ABCB11: variants seen among roughly 807,000 people sequenced by gnomAD.
ABCB11 encodes bile salt export pump.
A neutral mutation model predicts 148.0 loss-of-function variants in ABCB11; 95 were observed. The observed-to-expected ratio is 0.64, with a 90% CI of 0.54 to 0.76. The LOEUF (loss-of-function observed/expected upper bound fraction) is 0.76. Ranked by LOEUF, ABCB11 falls within the 30% of genes least tolerant of loss-of-function variation. The pLI, the probability that ABCB11 is intolerant of heterozygous loss-of-function variation, is 0.00. For synonymous variants in ABCB11, 591 were observed against 555.4 expected (o/e 1.06, Z -0.90); for missense variants, 1,523 against 1,617.8 (o/e 0.94, Z 1.01).
downstream of ABCB11, among the ~76,000 whole-genome samples, chr2:168,917,014 T>A (rs1289095174): frequency 2.0e-5 from 3 of 152,302 alleles, no homozygotes; most frequent in African/African-American, 7.2e-5. Flanking sequence ...TATGATCCTA[T>A]GTATTTTACA....
chr2:169,016,414 A>G (rs1257273333), intron 3 of ABCB11, among the ~76,000 whole-genome samples: 2 of 152,184 alleles, frequency 1.3e-5, no homozygotes, highest in South Asian at 2.1e-4. Flanking sequence ...CTGAACAGAA[A>G]TATGCAATAA....
intron 21 of ABCB11, among the ~76,000 whole-genome samples, chr2:168,941,538 T>C (rs1003939088): frequency 1.3e-5 from 2 of 152,096 alleles, no homozygotes; most frequent in Non-Finnish European, 1.5e-5. Context: ...AAAACTTGAA[T>C]GGATAAGCAG....
chr2:169,024,200 A>G (rs1371101850), intron 1 of ABCB11, among the ~76,000 whole-genome samples: 1 of 152,178 alleles, frequency 6.6e-6, no homozygotes, highest in Non-Finnish European at 1.5e-5. Flanking sequence ...AACTTAAAAT[A>G]AAATAAAATA....
chr2:169,026,281 A>T (rs1695691854), intron 1 of ABCB11, among the ~76,000 whole-genome samples: 1 of 152,120 alleles, frequency 6.6e-6, no homozygotes, highest in Admixed American at 6.5e-5. Context: ...CAAGTGCATC[A>T]CTCTGAACTT....
chr2:168,949,217 T>C (rs184172227), intron 19 of ABCB11, among the ~76,000 whole-genome samples: 1 of 151,778 alleles, frequency 6.6e-6, no homozygotes, highest in African/African-American at 2.4e-5. Flanking sequence ...ATTAACTTTT[T>C]AAAATTTTTG....
At chr2:168,920,046 G>T (rs1452587666), downstream of ABCB11, among the ~76,000 whole-genome samples, 1 of 151,638 alleles carries the variant, frequency 6.6e-6, no homozygotes, top group Non-Finnish European at 1.5e-5. Flanking sequence ...TTCTTTTTTT[G>T]TTAGAAATGG....
rs1157182058 is a variant in ABCB11 at position 168,995,423 on chromosome 2, A to G, written c.537T>C (p.Phe179=). ...CTATTTCCATTCTCATTATTCTCCT[A>G]AAGTAAAATTTTCTCATTTTCTGTA... ...RQIQKMRKFY[F]RRIMRMEIGW... is the part of the protein sequence containing the mutation. Residue 179 remains phenylalanine, a synonymous_variant, in exon 7 of 28, where the codon TTT becomes TTC. Transcript: ENST00000650372. The G allele has an allele frequency of 4.3e-6, 7 of 1,612,228 alleles. No individual in the cohort carries two copies. The highest frequency in any genetic ancestry group is 1.3e-5 in the African/African-American group (1 of 74,788).
Position 168,968,433 on chromosome 2 carries a change from C to G in ABCB11, c.2069G>C (p.Ser690Thr). ...CCCCATGGCTTGAGCTTACCTTAAACTATCCTGGTAGCTCCCTCTGCTAAA... is the reference window on the plus strand; with the variant it reads ...CCCCATGGCTTGAGCTTACCTTAAAGTATCCTGGTAGCTCCCTCTGCTAAA... ...RTFSRGSYQDSLRASIRQRSK... is the reference protein window; with the variant it reads ...RTFSRGSYQDTLRASIRQRSK... Residue 690 changes from serine to threonine, a missense_variant, in exon 17 of 28, where the codon AGT becomes ACT. By Grantham distance (58) the Ser-to-Thr change is moderately conservative (BLOSUM62 1). Coordinates refer to ENST00000650372, the MANE Select transcript of ABCB11 (RefSeq NM_003742.4). The G allele has an allele frequency of 6.2e-7, 1 of 1,610,684 alleles. No homozygotes were observed. Among genetic ancestry groups the G allele is most frequent in the Non-Finnish European group, 8.5e-7 (1 of 1,178,252 alleles).
At chr2:168,927,391 A>G in intron 25 of ABCB11, 29 bp from the exon 26 acceptor site, 1 of 1,580,862 alleles carries the variant, frequency 6.3e-7, no homozygotes, top group Non-Finnish European at 8.7e-7. Context: ...ACAGGTCATT[A>G]GGTTTTTAGA....
intron 17 of ABCB11, among the ~76,000 whole-genome samples, chr2:168,965,398 C>T (rs1206982303): frequency 6.6e-6 from 1 of 151,462 alleles, no homozygotes; most frequent in Non-Finnish European, 1.5e-5. Flanking sequence ...ATGTTGAGAC[C>T]TTCAAAAAAA....
chr2:169,005,074 C>T (rs1694980250), intron 5 of ABCB11, among the ~76,000 whole-genome samples: 1 of 151,950 alleles, frequency 6.6e-6, no homozygotes, highest in African/African-American at 2.4e-5. Flanking sequence ...GAAGTGGGCT[C>T]CGTGAAGGTC....
Position 168,927,118 on chromosome 2 carries a change from T to C in ABCB11, c.3618+38A>G, listed in dbSNP as rs778890225. 9 of 1,538,748 alleles carry C rather than the reference T, an allele frequency of 5.8e-6. No individual in the cohort carries two copies. The South Asian group carries it at 1.0e-4, about 17-fold the overall frequency. On this transcript the variant is annotated intron_variant, in intron 26 of 27. Transcript: ENST00000650372. ...CTGGTCATTCTACTTCTCCCCATCC[T>C]TGTCTCTCATAGGGAATGGCTCTGA...
chr2:168,948,933 C>T (rs77872111), intron 19 of ABCB11, among the ~76,000 whole-genome samples: 2,394 of 151,628 alleles, frequency 0.016, 37 homozygotes, highest in African/African-American at 0.033. Flanking sequence ...GTCATTTTTA[C>T]GGTCAGGAGA....
Position 168,930,872 on chromosome 2 carries a change from G to C in ABCB11, c.3214-10C>G, listed in dbSNP as rs2105888909. 6.3e-7 allele frequency: 1 copy of C among 1,580,668 alleles called. No homozygotes were observed. The highest frequency in any genetic ancestry group is 8.6e-7 in the Non-Finnish European group (1 of 1,163,828). On this transcript the variant is annotated splice_polypyrimidine_tract_variant and intron_variant, in intron 24 of 27. Coordinates refer to ENST00000650372, the MANE Select transcript of ABCB11 (RefSeq NM_003742.4). The stretch of plus-strand genomic sequence containing the variant: ...TCCCCTGGAAGTTGTCCTGTGGATG[G>C]GAGGATCAAAATTAGAGATGCTCTT...
chr2:168,970,322 T>G (rs558713313), intron 14 of ABCB11, 107 bp from the exon 15 acceptor site: 1 of 1,544,184 alleles, frequency 6.5e-7, no homozygotes, highest in East Asian at 2.4e-5. Context: ...AAGCACGAAT[T>G]TTCACTGCTC....
chr2:169,012,194 T>C (rs989319823), intron 5 of ABCB11, among the ~76,000 whole-genome samples: 11 of 152,100 alleles, frequency 7.2e-5, no homozygotes, highest in African/African-American at 2.7e-4. Flanking sequence ...GAGGGAGCCA[T>C]TCCTAGTGTC....
intron 26 of ABCB11, among the ~76,000 whole-genome samples, chr2:168,925,620 G>T (rs1691274162): frequency 6.6e-6 from 1 of 152,212 alleles, no homozygotes; most frequent in South Asian, 2.1e-4. Context: ...CCAGATGAAA[G>T]TGAATCTTGC....
intron 19 of ABCB11, among the ~76,000 whole-genome samples, chr2:168,954,192 CA>C (rs1210492765): frequency 6.6e-6 from 1 of 151,140 alleles, no homozygotes; most frequent in Non-Finnish European, 1.5e-5. Context: ...TGATTGTTTT[CA>C]AGTTATTTTA....
intron 2 of ABCB11, among the ~76,000 whole-genome samples, chr2:169,017,520 C>T (rs1695399154): frequency 6.6e-6 from 1 of 152,158 alleles, no homozygotes; most frequent in Non-Finnish European, 1.5e-5. Flanking sequence ...ATTAATTTTA[C>T]TCATGAGTTC....
Sources: gnomAD v4.1 joint callset for allele counts (sites outside exome capture counted in the v4.1 genomes callset) on GRCh38, gnomAD v4.1.1 for gene constraint, MANE v1.5 for transcripts, NCBI Gene and HGNC (gene_info 2026-07-23, HGNC 2026-07-21) for gene names.